The following THSD7B variants were observed in gnomAD, a reference collection of about 807,000 sequenced individuals.
The protein encoded by THSD7B is thrombospondin type-1 domain-containing protein 7B.
A neutral mutation model predicts 213.6 loss-of-function variants in THSD7B; 138 were observed. The ratio of observed to expected loss-of-function variants is 0.65; its 90% confidence interval spans 0.56 to 0.74. The LOEUF (loss-of-function observed/expected upper bound fraction) is 0.74. Ranked by LOEUF, THSD7B falls within the 30% of genes least tolerant of loss-of-function variation. THSD7B has a pLI of 0.00. For synonymous variants in THSD7B, 742 were observed against 687.0 expected, an observed-to-expected ratio of 1.08 and a Z score of -1.25; for missense variants, 1,931 against 1,991.5, an observed-to-expected ratio of 0.97 and a Z score of 0.58.
intron 12 of THSD7B, among the ~76,000 whole-genome samples, chr2:137,321,950 T>C (rs1402126883): frequency 2.0e-5 from 3 of 152,196 alleles, no homozygotes; most frequent in African/African-American, 7.2e-5. Flanking sequence ...TTTGTCATAA[T>C]GATTCATTGA....
At chr2:136,833,372 A>G (rs1487330645) in intron 1 of THSD7B, among the ~76,000 whole-genome samples, 28 of 147,134 alleles carry the variant, frequency 1.9e-4, no homozygotes, top group African/African-American at 6.7e-4. Context: ...TCAAAAAAAA[A>G]AAAAAAAAAA....
At chr2:136,918,486 G>A (rs1328567259) in intron 2 of THSD7B, among the ~76,000 whole-genome samples, 2 of 152,138 alleles carry the variant, frequency 1.3e-5, no homozygotes, top group African/African-American at 4.8e-5. Flanking sequence ...CCTGCTCCCT[G>A]AGCCTGTCCT....
chr2:137,370,920 A>G (rs553449492), intron 12 of THSD7B, among the ~76,000 whole-genome samples: 1 of 152,176 alleles, frequency 6.6e-6, no homozygotes, highest in South Asian at 2.1e-4. Flanking sequence ...AAGGCTTACC[A>G]TGGGTAAATA....
At position 137,056,679 on chromosome 2, in the gene THSD7B, G is replaced by T. The variant is rs777573968; in HGVS notation, c.399G>T (p.Thr133=). Residue 133 remains threonine, a synonymous_variant, in exon 3 of 28, where the codon ACG becomes ACT. Transcript: ENST00000409968. ...EVKPRTAECV[T]AQHGLQHRMV... Reference sequence around the variant, plus strand: ...AGCCTCGGACTGCAGAGTGTGTGACGGCTCAGCATGGACTGCAGCACCGGA... The same window carrying T: ...AGCCTCGGACTGCAGAGTGTGTGACTGCTCAGCATGGACTGCAGCACCGGA... The T allele has an allele frequency of 3.7e-6, 6 of 1,613,960 alleles. No homozygotes were observed. The East Asian group carries it at 8.9e-5, about 24-fold the overall frequency.
intron 17 of THSD7B, among the ~76,000 whole-genome samples, chr2:137,579,210 C>T (rs571823810): frequency 6.6e-6 from 1 of 152,158 alleles, no homozygotes; most frequent in South Asian, 2.1e-4. Flanking sequence ...CTTTACTTTT[C>T]CCAAATAATG....
chr2:137,022,438 C>A (rs1686462066), intron 2 of THSD7B, among the ~76,000 whole-genome samples: 1 of 151,906 alleles, frequency 6.6e-6, no homozygotes, highest in Admixed American at 6.6e-5. Context: ...TTTATGAAAG[C>A]CACACAGAAG....
chr2:137,387,337 C>A (rs79724921), intron 12 of THSD7B, among the ~76,000 whole-genome samples: 4,796 of 152,216 alleles, frequency 0.032, 278 homozygotes, highest in African/African-American at 0.11. Context: ...CTCAGCTGTC[C>A]CAGGCAGTTT....
chr2:137,364,409 A>G (rs1347380955), intron 12 of THSD7B, among the ~76,000 whole-genome samples: 1 of 152,212 alleles, frequency 6.6e-6, no homozygotes, highest in Non-Finnish European at 1.5e-5. Context: ...ATCAGGCAAG[A>G]GAAAGAAATA....
chr2:137,128,170 A>T (rs1163603336), intron 5 of THSD7B, among the ~76,000 whole-genome samples: 1 of 152,144 alleles, frequency 6.6e-6, no homozygotes, highest in African/African-American at 2.4e-5. Flanking sequence ...GCTAGTTAGG[A>T]TATACTATCA....
intron 2 of THSD7B, among the ~76,000 whole-genome samples, chr2:137,055,527 C>T (rs996054565): frequency 6.6e-6 from 1 of 152,164 alleles, no homozygotes; most frequent in Non-Finnish European, 1.5e-5. Flanking sequence ...CTGGATAAGG[C>T]CTGCTGGTAT....
At chr2:137,355,616 A>G (rs1463834538) in intron 12 of THSD7B, among the ~76,000 whole-genome samples, 1 of 152,194 alleles carries the variant, frequency 6.6e-6, no homozygotes, top group Non-Finnish European at 1.5e-5. Flanking sequence ...TTCCCAATTC[A>G]AGAGTGCTTT....
intron 7 of THSD7B, among the ~76,000 whole-genome samples, chr2:137,209,747 A>C (rs1214737311): frequency 1.3e-5 from 2 of 152,132 alleles, no homozygotes; most frequent in Non-Finnish European, 1.5e-5. Flanking sequence ...AGAAATGCTA[A>C]TGCATTTAAC....
intron 13 of THSD7B, among the ~76,000 whole-genome samples, chr2:137,406,301 G>A (rs1686515691): frequency 6.6e-6 from 1 of 152,076 alleles, no homozygotes; most frequent in Non-Finnish European, 1.5e-5. Context: ...CTGCTTTTGT[G>A]GTATATTATT....
intron 12 of THSD7B, among the ~76,000 whole-genome samples, chr2:137,304,314 T>C (rs2104850831): frequency 6.6e-6 from 1 of 152,256 alleles, no homozygotes; most frequent in South Asian, 2.1e-4. Context: ...GCAAAAAATA[T>C]CTATCAAGCA....
At chr2:137,580,971 G>C (rs1681561189) in intron 17 of THSD7B, among the ~76,000 whole-genome samples, 1 of 152,052 alleles carries the variant, frequency 6.6e-6, no homozygotes, top group South Asian at 2.1e-4. Context: ...TTCAACATTG[G>C]GGATTACAAT....
At chr2:137,331,841 G>T (rs530470909) in intron 12 of THSD7B, among the ~76,000 whole-genome samples, 1 of 152,174 alleles carries the variant, frequency 6.6e-6, no homozygotes, top group Non-Finnish European at 1.5e-5. Flanking sequence ...CTCCGCAGCC[G>T]CTGGCCCGGG....
At chr2:137,204,190 GTTAGT>G (rs1680935898) in intron 7 of THSD7B, among the ~76,000 whole-genome samples, 1 of 152,000 alleles carries the variant, frequency 6.6e-6, no homozygotes, top group Non-Finnish European at 1.5e-5. Flanking sequence ...TTCCCAATAT[GTTAGT>G]TTAGAGTGAC....
At chr2:137,066,424 C>A (rs1687383210) in intron 3 of THSD7B, among the ~76,000 whole-genome samples, 1 of 151,858 alleles carries the variant, frequency 6.6e-6, no homozygotes, top group South Asian at 2.1e-4. Flanking sequence ...GAACTCCTGA[C>A]CTTAAATAAT....
At chr2:137,572,259 A>C (rs1331765463) in intron 16 of THSD7B, 147 bp from the exon 17 acceptor site, 2 of 884,474 alleles carry the variant, frequency 2.3e-6, no homozygotes, top group Non-Finnish European at 3.5e-6. Flanking sequence ...TGACTGACTA[A>C]AGGAGGAAAG....
Sources: gnomAD v4.1 joint callset for allele counts (sites outside exome capture counted in the v4.1 genomes callset) on GRCh38, gnomAD v4.1.1 for gene constraint, MANE v1.5 for transcripts, NCBI Gene and HGNC (gene_info 2026-07-23, HGNC 2026-07-21) for gene names.